Variants in DOP1A observed in about 807,000 individuals in gnomAD.
DOP1A encodes the protein protein DOP1A.
A neutral mutation model predicts 267.6 loss-of-function variants in DOP1A; 90 were observed. The observed-to-expected ratio is 0.34, with a 90% CI of 0.28 to 0.40. The LOEUF is 0.40. DOP1A is among the 10% of genes least tolerant of loss of function. The pLI, the probability that DOP1A is intolerant of heterozygous loss-of-function variation, is 1.00. For missense variants in DOP1A, 2,437 were observed against 2,900.4 expected (o/e 0.84, Z 3.67); for synonymous variants, 932 against 999.1 (o/e 0.93, Z 1.27).
chr6:83,118,225 T>C (rs1038475716), intron 7 of DOP1A, among the ~76,000 whole-genome samples: 2 of 152,186 alleles, frequency 1.3e-5, no homozygotes, highest in Non-Finnish European at 2.9e-5. Flanking sequence ...GTTAGTTGCT[T>C]TTCTTCTATT....
Position 83,129,269 on chromosome 6 carries a change from A to T in DOP1A, c.2102A>T (p.Gln701Leu). 6.2e-7 allele frequency: 1 copy of T among 1,611,796 alleles called. No individual in the cohort carries two copies. The highest frequency in any genetic ancestry group is 8.5e-7 in the Non-Finnish European group (1 of 1,179,164). Residue 701 changes from glutamine (Q) to leucine (L), a missense_variant, in exon 16 of 39, where the codon CAG becomes CTG. This residue lies in a region of DOP1A where 498 missense variants were observed against 513.5 expected (regional missense o/e 0.97). Coordinates refer to ENST00000349129, the MANE Select transcript of DOP1A (RefSeq NM_015018.4). ...LYIIQNNSFSQSLATEHQGDL... is the reference protein window; with the variant it reads ...LYIIQNNSFSLSLATEHQGDL... The stretch of plus-strand genomic sequence containing the variant: ...ATCATTCAGAATAACTCTTTTTCTC[A>T]GTCTTTGGCTACAGAACATCAAGGG...
chr6:83,151,705 T>G, intron 28 of DOP1A, 46 bp downstream of exon 28: 2 of 1,547,724 alleles, frequency 1.3e-6, no homozygotes, highest in Non-Finnish European at 1.7e-6. Flanking sequence ...CTCAGTGCCC[T>G]CAATTTGAAA....
intron 3 of DOP1A, among the ~76,000 whole-genome samples, chr6:83,098,253 G>A (rs1029973380): frequency 3.9e-5 from 6 of 152,264 alleles, no homozygotes; most frequent in Non-Finnish European, 1.5e-5. Context: ...ATGTGTGGGG[G>A]AAGAAAACAC....
chr6:83,161,320 T>TAAAGTAGA (rs1179269029), intron 37 of DOP1A: 2 of 152,138 alleles, frequency 1.3e-5, no homozygotes, highest in Non-Finnish European at 2.9e-5. Context: ...TAAAAATCTA[T>TAAAGTAGA]AAAGTAGAAA....
At chr6:83,139,324 A>G (rs1020758170) in intron 21 of DOP1A, among the ~76,000 whole-genome samples, 162 bp downstream of exon 21, 2 of 152,158 alleles carry the variant, frequency 1.3e-5, no homozygotes, top group African/African-American at 4.8e-5. Context: ...GACTTGAGGA[A>G]GAGTATCAGT....
intron 36 of DOP1A, 104 bp from the exon 37 acceptor site, chr6:83,159,692 C>T (rs758416021): frequency 2.3e-6 from 3 of 1,288,338 alleles, no homozygotes; most frequent in African/African-American, 1.5e-5. Flanking sequence ...GCACATTTAT[C>T]TCAGGATGAT....
At chr6:83,163,515 ATTCT>A (rs1205738133) in intron 38 of DOP1A, among the ~76,000 whole-genome samples, 6 of 152,214 alleles carry the variant, frequency 3.9e-5, no homozygotes, top group African/African-American at 9.6e-5. Flanking sequence ...ATTAGCATTC[ATTCT>A]GTTTATCTAT....
intron 21 of DOP1A, among the ~76,000 whole-genome samples, chr6:83,139,575 G>C (rs1473234305): frequency 6.6e-6 from 1 of 152,068 alleles, no homozygotes; most frequent in Non-Finnish European, 1.5e-5. Context: ...GGATTTTCAT[G>C]GTTTAGTGAC....
At chr6:83,156,151 GTTCCTTAGAAAATAC>G in intron 34 of DOP1A, 48 bp downstream of exon 34, 1 of 1,505,998 alleles carries the variant, frequency 6.6e-7, no homozygotes, top group East Asian at 2.3e-5. Context: ...CAGGTTTTTG[GTTCCTTAGAAAATAC>G]TTCTCTAAAT....
At chr6:83,165,296 A>C (rs1336604066) in intron 38 of DOP1A, 2 of 152,438 alleles carry the variant, frequency 1.3e-5, no homozygotes, top group African/African-American at 4.8e-5. Context: ...CTGGAAGCTA[A>C]ATAATTGCTA....
chr6:83,089,005 C>T (rs545713891), intron 1 of DOP1A, among the ~76,000 whole-genome samples: 1 of 152,226 alleles, frequency 6.6e-6, no homozygotes, highest in East Asian at 1.9e-4. Context: ...GGGTTTTTTG[C>T]CCCATTGCAT....
chr6:83,148,861 T>C lies in DOP1A; in HGVS notation c.5835T>C (p.Leu1945=). Reference sequence around the variant, plus strand: ...CAGCTCCAGGGCAGTTTCTTATACTTGGGTAAGCAATTTCACTTAATATTA... The same window carrying C: ...CAGCTCCAGGGCAGTTTCTTATACTCGGGTAAGCAATTTCACTTAATATTA... ...SLPAPGQFLI[L]GVLNEFIMKN... is the part of the protein sequence containing the mutation. The change falls in exon 27 of 39, where the codon CTT becomes CTC. Residue 1945 remains leucine (L), a splice_region_variant and synonymous_variant. Coordinates refer to ENST00000349129, the MANE Select transcript of DOP1A (RefSeq NM_015018.4). 6.6e-7 allele frequency: 1 copy of C among 1,510,112 alleles called. No individual in the cohort carries two copies. Among genetic ancestry groups the C allele is most frequent in the Non-Finnish European group, 8.8e-7 (1 of 1,130,944 alleles). 93.5% of individuals were successfully genotyped at this position (1,510,112 alleles called of 1,614,324 possible). A position where few individuals can be genotyped will look rare whatever the true frequency, so the allele number is the denominator to read the frequency against.
chr6:83,118,481 TAA>T (rs1357842352), intron 7 of DOP1A, among the ~76,000 whole-genome samples: 10 of 152,168 alleles, frequency 6.6e-5, no homozygotes. Context: ...TTAAAAAGAA[TAA>T]AGAGTGGATG....
intron 1 of DOP1A, among the ~76,000 whole-genome samples, chr6:83,084,183 C>T (rs6936028): frequency 7.0e-4 from 107 of 152,174 alleles, no homozygotes; most frequent in African/African-American, 1.8e-3. Flanking sequence ...ACAGTGGTCC[C>T]GTAAGGTTTT....
downstream of DOP1A, chr6:83,170,346 T>G: frequency 6.2e-7 from 1 of 1,614,170 alleles, no homozygotes; most frequent in Non-Finnish European, 8.5e-7. Flanking sequence ...ACATCTTCTG[T>G]ACCAGAGGGC....
In DOP1A at chr6:83,104,836, CT is replaced by C. The variant is rs1042728740; in HGVS notation, c.320+3959del. Among the ~76,000 whole-genome samples, 25 of 150,704 alleles carry C rather than the reference CT, an allele frequency of 1.7e-4. No individual in the cohort carries two copies. The East Asian group carries it at 4.3e-3, about 26-fold the overall frequency. ...CTTGATATTGGTGACTCAAGCCATCCTTTTTTTTTAATTGATCAGTCTTATC... is the reference window on the plus strand; with the variant it reads ...CTTGATATTGGTGACTCAAGCCATCCTTTTTTTTAATTGATCAGTCTTATC... On this transcript the variant is annotated intron_variant, in intron 4 of 38. Coordinates refer to ENST00000349129, the MANE Select transcript of DOP1A (RefSeq NM_015018.4).
chr6:83,120,807 C>G lies in DOP1A; in HGVS notation c.1099+16C>G. 1 of 1,476,208 alleles carries G rather than the reference C, an allele frequency of 6.8e-7. No individual in the cohort carries two copies. The highest frequency in any genetic ancestry group is 1.4e-5 in the South Asian group (1 of 69,400). 91.4% of individuals were successfully genotyped at this position (1,476,208 alleles called of 1,614,324 possible). On this transcript the variant is annotated intron_variant, in intron 10 of 38. Transcript: ENST00000349129. ...CCTGAGCTAGGTAATGTATACTGTC[C>G]TAGGGCATAAGGTCATGTGTGGTAC...
chr6:83,096,576 A>C (rs901435095), intron 1 of DOP1A, among the ~76,000 whole-genome samples, 155 bp from the exon 2 acceptor site: 7 of 151,836 alleles, frequency 4.6e-5, no homozygotes, highest in African/African-American at 1.7e-4. Flanking sequence ...AATGTATTTT[A>C]GGATCAAAAC....
At chr6:83,096,030 T>G (rs1174810977) in intron 1 of DOP1A, among the ~76,000 whole-genome samples, 1 of 152,154 alleles carries the variant, frequency 6.6e-6, no homozygotes, top group East Asian at 1.9e-4. Flanking sequence ...TCATGAGAAA[T>G]GAGTCACAAA....
Sources: gnomAD v4.1 joint callset for allele counts (sites outside exome capture counted in the v4.1 genomes callset) on GRCh38, gnomAD v4.1.1 for gene constraint, gnomAD v4.1.1 regional missense constraint, MANE v1.5 for transcripts, NCBI Gene and HGNC (gene_info 2026-07-23, HGNC 2026-07-21) for gene names.